ZNF638: variants seen among roughly 807,000 people sequenced by gnomAD.
ZNF638 encodes the protein zinc finger protein 638, also known as CTCL tumor antigen se33-1.
In ZNF638, 46 loss-of-function variants were observed where a neutral mutation model predicts 195.6. That is an observed-to-expected ratio of 0.24 (90% CI 0.19 to 0.30). The LOEUF (loss-of-function observed/expected upper bound fraction) is 0.30, where lower values mean the gene tolerates loss of function less well. Among genes scored for constraint, ZNF638 ranks in the 10% least tolerant of loss-of-function variants. ZNF638 has a pLI of 1.00. For synonymous variants in ZNF638, 845 were observed against 772.0 expected, an observed-to-expected ratio of 1.09 and a Z score of -1.57; for missense variants, 2,440 against 2,325.3, an observed-to-expected ratio of 1.05 and a Z score of -1.01.
In ZNF638 at chr2:71,423,890, C is replaced by T. The variant is rs768583151; in HGVS notation, c.4376C>T (p.Thr1459Ile). ...LAESSSKFKP[T>I]QSSLTRGGSG... Reference sequence around the variant, plus strand: ...GAAAGCAGCAGTAAATTCAAACCTACTCAGAGCAGTCTTACCAGAGGAGGC... The same window carrying T: ...GAAAGCAGCAGTAAATTCAAACCTATTCAGAGCAGTCTTACCAGAGGAGGC... Residue 1459 changes from threonine to isoleucine, a missense_variant, in exon 22 of 28, where the codon ACT becomes ATT. Coordinates refer to ENST00000264447, the MANE Select transcript of ZNF638 (RefSeq NM_014497.5). The T allele has an allele frequency of 3.7e-6, 6 of 1,613,978 alleles. No homozygotes were observed. In the East Asian group the frequency reaches 8.9e-5, roughly 24 times the overall value.
chr2:71,389,610 A>C (rs1324381777), intron 10 of ZNF638, among the ~76,000 whole-genome samples: 1 of 152,214 alleles, frequency 6.6e-6, no homozygotes, highest in Non-Finnish European at 1.5e-5. Context: ...CCAGTGTCCA[A>C]CAACAATTAA....
intron 21 of ZNF638, among the ~76,000 whole-genome samples, chr2:71,419,958 T>TTCCCCCCCC (rs1558881346): frequency 3.8e-5 from 1 of 26,576 alleles, no homozygotes; most frequent in Admixed American, 6.1e-4. Flanking sequence ...ACTTCTTAAT[T>TTCCCCCCCC]CCCACCCCCC....
chr2:71,398,838 A>G, intron 12 of ZNF638, 66 bp downstream of exon 12: 4 of 1,367,898 alleles, frequency 2.9e-6, no homozygotes, highest in Non-Finnish European at 4.1e-6. Context: ...TTCGTATAAT[A>G]ATTTTTAGCA....
intron 21 of ZNF638, among the ~76,000 whole-genome samples, chr2:71,421,236 C>T (rs2080425400): frequency 6.6e-6 from 1 of 151,818 alleles, no homozygotes; most frequent in Non-Finnish European, 1.5e-5. Flanking sequence ...ATTCATATAC[C>T]TGCTGTAACT....
Position 71,406,145 on chromosome 2 carries a change from T to A in ZNF638, c.3018T>A (p.Ile1006=). 2 of 1,613,286 alleles carry A rather than the reference T, an allele frequency of 1.2e-6. No individual in the cohort carries two copies. The highest frequency in any genetic ancestry group is 1.7e-6 in the Non-Finnish European group (2 of 1,179,548). Residue 1006 remains isoleucine, a synonymous_variant, in exon 19 of 28, where the codon ATT becomes ATA. Transcript: ENST00000264447. ...ENDPEANIDT[I]YDRFVHLDNL... ...AACTACAGGCAAACATAGATACAATTTATGATCGATTTGTACATCTTGATA... is the reference window on the plus strand; with the variant it reads ...AACTACAGGCAAACATAGATACAATATATGATCGATTTGTACATCTTGATA...
At chr2:71,412,745 A>G (rs2080251894) in intron 20 of ZNF638, among the ~76,000 whole-genome samples, 1 of 71,928 alleles carries the variant, frequency 1.4e-5, no homozygotes, top group African/African-American at 6.0e-5. Context: ...TCCTTTCCCC[A>G]TTGCTTGTTT....
At chr2:71,427,851 G>A (rs939597084) in intron 24 of ZNF638, among the ~76,000 whole-genome samples, 1 of 146,368 alleles carries the variant, frequency 6.8e-6, no homozygotes, top group Non-Finnish European at 1.5e-5. Context: ...AGAATAGTAC[G>A]GCAGCTCACT....
At chr2:71,367,428 T>C (rs1324923740) in intron 6 of ZNF638, among the ~76,000 whole-genome samples, 3 of 120,844 alleles carry the variant, frequency 2.5e-5, no homozygotes. Flanking sequence ...GCTGGGTGTT[T>C]TAATTTTTTT....
rs563841794 is a variant in ZNF638, at chr2:71,373,694, A to G, written c.2265+3689A>G. 5.9e-5 allele frequency among the ~76,000 whole-genome samples: 9 copies of G among 152,162 alleles called. No homozygotes were observed. In the East Asian group the frequency reaches 1.6e-3, roughly 26 times the overall value. On this transcript the variant is annotated intron_variant, in intron 8 of 27. Coordinates refer to ENST00000264447, the MANE Select transcript of ZNF638 (RefSeq NM_014497.5). Reference sequence around the variant, plus strand: ...CGGCCTCTGAAAGTGCTGGGATTACAGGCGTGAGCCACCTCGCCCGGCCAA... The same window carrying G: ...CGGCCTCTGAAAGTGCTGGGATTACGGGCGTGAGCCACCTCGCCCGGCCAA...
In ZNF638 at chr2:71,408,153, CTCAG is replaced by C. The variant is rs1412196260; in HGVS notation, c.3171_3174del (p.Ser1058CysfsTer5). On this transcript the variant is annotated frameshift_variant, in exon 20 of 28. Coordinates refer to ENST00000264447, the MANE Select transcript of ZNF638 (RefSeq NM_014497.5). LOFTEE classifies it high-confidence loss of function. ...CTTCAGTTAGATAGTCCTGAATCTG[CTCAG>C]TCAATGTATAGCTTTCTGAAACAAA... 2 of 1,612,742 alleles carry C rather than the reference CTCAG, an allele frequency of 1.2e-6. No individual in the cohort carries two copies. Among genetic ancestry groups the C allele is most frequent in the African/African-American group, 1.3e-5 (1 of 74,848 alleles).
At chr2:71,365,772 A>G (rs2079185856) in intron 6 of ZNF638, 66 bp downstream of exon 6, 1 of 1,428,162 alleles carries the variant, frequency 7.0e-7, no homozygotes, top group Non-Finnish European at 9.4e-7. Flanking sequence ...GCTGGACTGC[A>G]GTGGTGCAAC....
intron 10 of ZNF638, among the ~76,000 whole-genome samples, chr2:71,391,939 A>G (rs545886444): frequency 1.3e-5 from 2 of 152,254 alleles, no homozygotes; most frequent in Admixed American, 6.5e-5. Context: ...ACACTCCTCT[A>G]CAGGATTAAT....
At chr2:71,340,147 A>C (rs2078739749) in intron 1 of ZNF638, among the ~76,000 whole-genome samples, 3 of 152,068 alleles carry the variant, frequency 2.0e-5, no homozygotes, top group Non-Finnish European at 2.9e-5. Context: ...CAATCCTTGC[A>C]GTTAGTAGTG....
rs575557073 is a variant in ZNF638 at position 71,358,970 on chromosome 2, AATAC to A, written c.1379+3193_1379+3196del. On this transcript the variant is annotated intron_variant, in intron 3 of 27. Transcript: ENST00000264447. ...TTTAGCAATAAAGTACTTTTTAATT[AATAC>A]ATGTTCATTTTTAAAAACATGCTAT... Among the ~76,000 whole-genome samples the A allele has an allele frequency of 3.0e-3, 461 of 152,322 alleles. 2 individuals are homozygous for A. The highest frequency in any genetic ancestry group is 0.011 in the African/African-American group (444 of 41,544).
chr2:71,410,376 T>TGTGTGTG (rs201242119), intron 20 of ZNF638, among the ~76,000 whole-genome samples: 1 of 126,004 alleles, frequency 7.9e-6, no homozygotes, highest in Admixed American at 1.0e-4. Flanking sequence ...TTGATTTTTT[T>TGTGTGTG]TTTGTGTGTG....
chr2:71,388,643 C>A (rs1384533110), intron 10 of ZNF638: 4 of 858,976 alleles, frequency 4.7e-6, no homozygotes, highest in Non-Finnish European at 6.1e-6. Context: ...TCAGACTCAG[C>A]AGCTGGTGCC....
intron 10 of ZNF638, among the ~76,000 whole-genome samples, chr2:71,383,431 GC>G (rs1350194115): frequency 5.3e-5 from 8 of 152,136 alleles, no homozygotes; most frequent in Non-Finnish European, 1.2e-4. Flanking sequence ...CCAAAGCGTT[GC>G]ATATACTAAA....
At chr2:71,366,363 GA>G (rs34964345) in intron 6 of ZNF638, among the ~76,000 whole-genome samples, 38,978 of 139,136 alleles carry the variant, frequency 0.28, 6,643 homozygotes, top group African/African-American at 0.5. Context: ...CCTGTCTCAA[GA>G]AAAAAAAAAA....
intron 20 of ZNF638, among the ~76,000 whole-genome samples, chr2:71,414,670 T>TG (rs1209052697): frequency 2.2e-4 from 23 of 106,228 alleles, no homozygotes; most frequent in African/African-American, 7.9e-4. Flanking sequence ...GATTCTGGTA[T>TG]GTGGTGTCTT....
Sources: allele counts gnomAD v4.1 joint callset (sites outside exome capture counted in the v4.1 genomes callset), GRCh38; gene constraint gnomAD v4.1.1; transcripts MANE v1.5; gene names NCBI Gene and HGNC (gene_info 2026-07-23, HGNC 2026-07-21).